Variants in SLIT1 observed in about 807,000 individuals in gnomAD.
The protein encoded by SLIT1 is slit guidance ligand 1, also known as slit homolog 1 protein.
A neutral mutation model predicts 186.1 loss-of-function variants in SLIT1; 66 were observed. The ratio of observed to expected loss-of-function variants is 0.35; its 90% CI spans 0.29 to 0.44. SLIT1 has a LOEUF of 0.44. Among genes scored for constraint, SLIT1 ranks in the 20% least tolerant of loss-of-function variants. The pLI is 1.00. For missense variants in SLIT1, 1,638 were observed against 2,037.4 expected, an observed-to-expected ratio of 0.80 and a Z score of 3.77; for synonymous variants, 761 against 833.8, an observed-to-expected ratio of 0.91 and a Z score of 1.50.
chr10:97,049,309 C>G (rs1207018462), intron 13 of SLIT1, among the ~76,000 whole-genome samples, 191 bp from the exon 14 acceptor site: 1 of 152,178 alleles, frequency 6.6e-6, no homozygotes. Flanking sequence ...TGGAGAGGTC[C>G]TGCCAGCGCA....
chr10:97,164,703 A>G (rs987494093), intron 2 of SLIT1, 116 bp downstream of exon 2: 6 of 772,916 alleles, frequency 7.8e-6, no homozygotes. Flanking sequence ...GCCAAGACTG[A>G]CTCCGTGGTA....
intron 4 of SLIT1, among the ~76,000 whole-genome samples, chr10:97,100,646 T>A (rs148960724): frequency 7.5e-6 from 1 of 133,676 alleles, no homozygotes; most frequent in African/African-American, 2.6e-5. Context: ...AAAAAAAAAA[T>A]TGAAACAATA....
intron 4 of SLIT1, among the ~76,000 whole-genome samples, chr10:97,087,286 G>A (rs1849172676): frequency 6.6e-6 from 1 of 151,972 alleles, no homozygotes; most frequent in South Asian, 2.1e-4. Flanking sequence ...GACAGTGTTG[G>A]GTGGAAGGTC....
At chr10:97,116,189 GTCTT>G (rs1849508466) in intron 4 of SLIT1, among the ~76,000 whole-genome samples, 1 of 152,150 alleles carries the variant, frequency 6.6e-6, no homozygotes, top group African/African-American at 2.4e-5. Context: ...TACTGAATAA[GTCTT>G]CATTATGATG....
chr10:97,021,588 A>G lies in SLIT1; in HGVS notation c.2583-175T>C. On this transcript the variant is annotated intron_variant, in intron 25 of 36. Coordinates refer to ENST00000266058, the MANE Select transcript of SLIT1 (RefSeq NM_003061.3). The surrounding 1 kb of genome is among the most constrained non-coding windows in gnomAD (Gnocchi z 4.5). ...TTTTTTTTTTCTTTTTTTGAGATGG[A>G]GTGTCGCTCTGTCGCCCAGGCTGGA... is the stretch of plus-strand genomic sequence containing the variant. 6.8e-6 allele frequency among the ~76,000 whole-genome samples: 1 copy of G among 146,770 alleles called. No individual in the cohort carries two copies. The highest frequency in any genetic ancestry group is 2.5e-5 in the African/African-American group (1 of 39,456).
Position 97,004,601 on chromosome 10 carries a change from G to T in SLIT1, c.3710+92C>A. The T allele has an allele frequency of 6.8e-7, 1 of 1,475,430 alleles. No individual in the cohort carries two copies. Among genetic ancestry groups the T allele is most frequent in the Non-Finnish European group, 9.4e-7 (1 of 1,066,196 alleles). 91.4% of individuals were successfully genotyped at this position (1,475,430 alleles called of 1,614,324 possible). On this transcript the variant is annotated intron_variant, in intron 33 of 36. Transcript: ENST00000266058. This position sits in a 1 kb window ranked among gnomAD's most constrained non-coding sequence, Gnocchi z 5.1. ...AACTCAGGCAGCCCAGGTTTCTAGA[G>T]GTCTCGATAACCACCTGCTTTTGGC...
intron 4 of SLIT1, among the ~76,000 whole-genome samples, chr10:97,070,578 G>C (rs995367372): frequency 1.3e-5 from 2 of 152,130 alleles, no homozygotes; most frequent in Non-Finnish European, 2.9e-5. Flanking sequence ...TGAGGACTTT[G>C]GGAGGTGATA....
chr10:97,171,183 CAG>C (rs377061242), intron 1 of SLIT1, among the ~76,000 whole-genome samples: 8 of 152,194 alleles, frequency 5.3e-5, no homozygotes, highest in African/African-American at 1.9e-4. Context: ...TGAGAGTGTG[CAG>C]AGTCAGACGG....
chr10:97,173,552 G>A (rs1850218463), intron 1 of SLIT1, among the ~76,000 whole-genome samples: 1 of 147,894 alleles, frequency 6.8e-6, no homozygotes, highest in Admixed American at 6.8e-5. Context: ...AGGCTAGAGT[G>A]CAGGGGCATG....
At chr10:97,085,221 C>T (rs574359536) in intron 4 of SLIT1, among the ~76,000 whole-genome samples, 7 of 152,110 alleles carry the variant, frequency 4.6e-5, no homozygotes, top group East Asian at 3.9e-4. Flanking sequence ...CCACGCCCAG[C>T]GTTACTTTTC....
chr10:97,030,700 G>A (rs1002372017), intron 25 of SLIT1, 57 bp downstream of exon 25: 4 of 1,433,604 alleles, frequency 2.8e-6, no homozygotes, highest in Non-Finnish European at 3.9e-6. Context: ...GATCTTCTCA[G>A]AAACCAAGTC....
At position 97,037,092 on chromosome 10, in the gene SLIT1, G is replaced by GTGTA. The variant is rs1564658802; in HGVS notation, c.2366+605_2366+606insTACA. Among the ~76,000 whole-genome samples the GTGTA allele has an allele frequency of 2.1e-5, 3 of 140,254 alleles. No individual in the cohort carries two copies. In the East Asian group the frequency reaches 5.9e-4, roughly 27 times the overall value. 92.0% of individuals were successfully genotyped at this position (140,254 alleles called of 152,430 possible). On this transcript the variant is annotated intron_variant, in intron 22 of 36. Transcript: ENST00000266058. ...TGTGTGTGTGTGTGTGTGTGTGTGT[G>GTGTA]TGTGTGTATGTGTGTGTGTGTGACG...
At chr10:97,182,284 A>T (rs2134749643) in intron 1 of SLIT1, among the ~76,000 whole-genome samples, 1 of 152,286 alleles carries the variant, frequency 6.6e-6, no homozygotes, top group East Asian at 1.9e-4. Context: ...AGAATATATG[A>T]TCATAAAGTT....
At chr10:97,073,047 C>G (rs1849014537) in intron 4 of SLIT1, among the ~76,000 whole-genome samples, 1 of 152,236 alleles carries the variant, frequency 6.6e-6, no homozygotes, top group Non-Finnish European at 1.5e-5. Context: ...GCGCCAGAAG[C>G]CTTCCCTGGA....
chr10:97,125,521 G>A (rs1589402986), intron 4 of SLIT1, among the ~76,000 whole-genome samples: 1 of 133,366 alleles, frequency 7.5e-6, no homozygotes, highest in South Asian at 2.7e-4. Flanking sequence ...GTGACAAAGC[G>A]AGACCCTGTG....
Position 97,045,615 on chromosome 10 carries a change from C to A in SLIT1, c.1853+1039G>T, listed in dbSNP as rs1589373273. On this transcript the variant is annotated intron_variant, in intron 18 of 36. Transcript: ENST00000266058. ...AATGCAGCTGACTGGACAGCCCCCA[C>A]ACCCACATTTAAGGAATACTAGGTA... Among the ~76,000 whole-genome samples the A allele has an allele frequency of 1.1e-4, 17 of 152,336 alleles. No homozygotes were observed. The South Asian group carries it at 3.3e-3, about 30-fold the overall frequency.
intron 31 of SLIT1, among the ~76,000 whole-genome samples, chr10:97,007,439 A>T (rs763051455): frequency 6.6e-6 from 1 of 152,218 alleles, no homozygotes; most frequent in Non-Finnish European, 1.5e-5. Flanking sequence ...AACTCATTCT[A>T]TGAGACCAGC....
At chr10:97,150,152 G>A (rs993965568) in intron 4 of SLIT1, among the ~76,000 whole-genome samples, 2 of 152,154 alleles carry the variant, frequency 1.3e-5, no homozygotes, top group Non-Finnish European at 2.9e-5. Context: ...TCTGGCTGGG[G>A]AGGGGCGGCT....
chr10:97,064,293 G>T (rs1052551926), intron 6 of SLIT1, 54 bp from the exon 7 acceptor site: 1 of 1,457,016 alleles, frequency 6.9e-7, no homozygotes, highest in Non-Finnish European at 9.6e-7. Context: ...AGATGATGTG[G>T]GACAGGGCCG....
Sources: allele counts gnomAD v4.1 joint callset (sites outside exome capture counted in the v4.1 genomes callset), GRCh38; gene constraint gnomAD v4.1.1; non-coding constraint Gnocchi (gnomAD v3.1); transcripts MANE v1.5; gene names NCBI Gene and HGNC (gene_info 2026-07-23, HGNC 2026-07-21).